The following ZNF48 variants were observed in gnomAD, a reference collection of about 807,000 sequenced individuals.
ZNF48 encodes the protein zinc finger protein 48.
ZNF48 carries 20 observed loss-of-function variants against 40.0 expected under a neutral mutation model. The observed-to-expected ratio is 0.50, with a 90% CI of 0.35 to 0.73. The LOEUF (loss-of-function observed/expected upper bound fraction) is 0.73, where lower values mean the gene tolerates loss of function less well. Ranked by LOEUF, ZNF48 falls within the 30% of genes least tolerant of loss-of-function variation. ZNF48 has a pLI of 0.01. For synonymous variants in ZNF48, 298 were observed against 329.7 expected, an observed-to-expected ratio of 0.90 and a Z score of 1.04; for missense variants, 726 against 851.9, an observed-to-expected ratio of 0.85 and a Z score of 1.84.
chr16:30,387,287 G>A (rs1405671183), intron 1 of ZNF48, among the ~76,000 whole-genome samples: 1 of 145,298 alleles, frequency 6.9e-6, no homozygotes, highest in Non-Finnish European at 1.5e-5. Flanking sequence ...GGGCGCCATG[G>A]CTCACTCCTG....
rs2049807813 is a variant in ZNF48, at chr16:30,379,434, C to G, written c.-16+1024C>G. The G allele has an allele frequency of 6.2e-7, 1 of 1,613,024 alleles. No homozygotes were observed. On this transcript the variant is annotated intron_variant, in intron 1 of 2. Coordinates refer to the ZNF48 transcript ENST00000528032. ...TAGGACCCCTGCCTGGCCTCACTCA[C>G]CCTCCACGGTCCCCCAGGAGTAGCG...
At position 30,397,596 on chromosome 16, in the gene ZNF48, G is replaced by C. The variant is rs549455608; in HGVS notation, c.346G>C (p.Glu116Gln). The C allele has an allele frequency of 1.9e-6, 3 of 1,614,126 alleles. No individual in the cohort carries two copies. The South Asian group carries it at 3.3e-5, about 18-fold the overall frequency. ...ASSDRAAVCG[E>Q]CGKSFRQMSD... Reference sequence around the variant, plus strand: ...TAGTGATCGGGCCGCTGTGTGTGGTGAGTGTGGCAAAAGCTTCAGGCAGAT... The same window carrying C: ...TAGTGATCGGGCCGCTGTGTGTGGTCAGTGTGGCAAAAGCTTCAGGCAGAT... Residue 116 changes from glutamate to glutamine, a missense_variant, in exon 3 of 3, where the codon GAG (glutamate) becomes CAG (glutamine). Transcript: ENST00000613509. This position sits in a 1 kb window ranked among gnomAD's most constrained non-coding sequence, Gnocchi z 4.1.
At chr16:30,384,467 C>G (rs573346756) in intron 1 of ZNF48, among the ~76,000 whole-genome samples, 1 of 151,840 alleles carries the variant, frequency 6.6e-6, no homozygotes, top group Admixed American at 6.6e-5. Context: ...GAGGTTGCAG[C>G]GAGCCAAGAT....
chr16:30,389,283 C>T (rs2049924168), intron 1 of ZNF48, among the ~76,000 whole-genome samples: 1 of 150,904 alleles, frequency 6.6e-6, no homozygotes, highest in Admixed American at 6.6e-5. Flanking sequence ...CCCAGCTACT[C>T]GGGAGGCTGA....
At chr16:30,391,841 C>CG (rs1221015447), upstream of ZNF48, among the ~76,000 whole-genome samples, 7 of 20,776 alleles carry the variant, frequency 3.4e-4, no homozygotes, top group Admixed American at 1.5e-3. Flanking sequence ...TTTTTTTTGG[C>CG]GGGGGGGTGG....
chr16:30,392,091 C>A (rs558762838), upstream of ZNF48, among the ~76,000 whole-genome samples: 5 of 152,326 alleles, frequency 3.3e-5, no homozygotes, highest in East Asian at 7.7e-4. Context: ...GGCGCGATCT[C>A]GGCTAACTGG....
chr16:30,381,374 G>A lies in ZNF48; in HGVS notation c.-16+2964G>A. On this transcript the variant is annotated intron_variant, in intron 1 of 2. Coordinates refer to the ZNF48 transcript ENST00000528032. The surrounding 1 kb of genome is among the most constrained non-coding windows in gnomAD (Gnocchi z 4.3). ...AGGGTGAGATGAAGTAGAGGCAGCA[G>A]TGGACTCGGGAGTCCTGGATGTTCT... is the stretch of plus-strand genomic sequence containing the variant. 6.2e-7 allele frequency: 1 copy of A among 1,613,456 alleles called. No individual in the cohort carries two copies. Among genetic ancestry groups the A allele is most frequent in the Non-Finnish European group, 8.5e-7 (1 of 1,179,732 alleles).
In ZNF48 at chr16:30,398,876, C is replaced by G. The variant is rs1428883739; in HGVS notation, c.1626C>G (p.Pro542=). The G allele has an allele frequency of 6.2e-7, 1 of 1,613,870 alleles. No individual in the cohort carries two copies. Among genetic ancestry groups the G allele is most frequent in the African/African-American group, 1.3e-5 (1 of 74,914 alleles). Residue 542 remains proline (P), a synonymous_variant, in exon 3 of 3, where the codon CCC becomes CCG. Coordinates refer to ENST00000613509, the MANE Select transcript of ZNF48 (RefSeq NM_001214909.2). The surrounding 1 kb of genome is among the most constrained non-coding windows in gnomAD (Gnocchi z 6.6). The part of the protein sequence containing the change: ...VRAQPSGPSQ[P]HVCGFCGKEF... The stretch of plus-strand genomic sequence containing the variant: ...CCCAGCCTTCTGGACCCAGCCAGCC[C>G]CACGTGTGTGGCTTCTGTGGGAAGG...
chr16:30,388,617 G>T (rs192269783), intron 1 of ZNF48, among the ~76,000 whole-genome samples: 59 of 152,254 alleles, frequency 3.9e-4, no homozygotes, highest in Non-Finnish European at 6.3e-4. Flanking sequence ...GTCCAGGCGC[G>T]GTGGCTCACG....
chr16:30,388,578 G>A (rs953859191), intron 1 of ZNF48, among the ~76,000 whole-genome samples: 1 of 152,030 alleles, frequency 6.6e-6, no homozygotes, highest in Non-Finnish European at 1.5e-5. Context: ...GCAATAGGGC[G>A]AGACCTTGTC....
At chr16:30,385,672 A>C (rs2049895574) in intron 1 of ZNF48, among the ~76,000 whole-genome samples, 1 of 152,084 alleles carries the variant, frequency 6.6e-6, no homozygotes, top group Non-Finnish European at 1.5e-5. Flanking sequence ...CTCACTCCCC[A>C]CAAGTGTTTC....
intron 1 of ZNF48, chr16:30,378,481 G>A: frequency 1.3e-6 from 2 of 1,576,762 alleles, no homozygotes; most frequent in East Asian, 4.5e-5. Flanking sequence ...TGCTGCATTT[G>A]GGCCTGCATC....
chr16:30,382,181 T>G lies in ZNF48; in HGVS notation c.-16+3771T>G, dbSNP rs766258012. The G allele has an allele frequency of 1.9e-6, 3 of 1,611,514 alleles. No homozygotes were observed. The South Asian group carries it at 3.3e-5, about 18-fold the overall frequency. ...TGGATTTCCCTAGGCCTGACTCCCC[T>G]GTGGACAGAACAGGCCCAACTGGTC... On this transcript the variant is annotated intron_variant, in intron 1 of 2. Coordinates refer to the ZNF48 transcript ENST00000528032. The surrounding 1 kb of genome is among the most constrained non-coding windows in gnomAD (Gnocchi z 4.8).
chr16:30,389,407 T>A (rs1420602985), intron 1 of ZNF48, among the ~76,000 whole-genome samples: 2,280 of 128,590 alleles, frequency 0.018, 37 homozygotes, highest in Non-Finnish European at 0.025. Flanking sequence ...AAAAAAAAAA[T>A]AATAATAATA....
Position 30,382,350 on chromosome 16 carries a change from C to G in ZNF48, c.-16+3940C>G, listed in dbSNP as rs771057178. 6.2e-7 allele frequency: 1 copy of G among 1,612,558 alleles called. No homozygotes were observed. The highest frequency in any genetic ancestry group is 1.1e-5 in the South Asian group (1 of 90,914). On this transcript the variant is annotated intron_variant, in intron 1 of 2. Coordinates refer to the ZNF48 transcript ENST00000528032. This position sits in a 1 kb window ranked among gnomAD's most constrained non-coding sequence, Gnocchi z 4.8. Reference sequence around the variant, plus strand: ...AGCTGGTTGGGGAGGGCAGCAAAACCCACGTACTCCTTGTCCTATGGATGG... The same window carrying G: ...AGCTGGTTGGGGAGGGCAGCAAAACGCACGTACTCCTTGTCCTATGGATGG...
chr16:30,384,346 G>A (rs1457232453), intron 1 of ZNF48, among the ~76,000 whole-genome samples: 1 of 151,932 alleles, frequency 6.6e-6, no homozygotes, highest in Non-Finnish European at 1.5e-5. Context: ...GGCCAACATG[G>A]TGAAACCCCA....
chr16:30,398,669 C>G lies in ZNF48; in HGVS notation c.1419C>G (p.His473Gln). ...ACCTGGTGAAACACCATCGTGTGCA[C>G]ACAGGGGAGAAACCCTACCTCTGTC... The part of the protein sequence containing the change: ...SSDLVKHHRV[H>Q]TGEKPYLCPE... Residue 473 changes from histidine to glutamine, a missense_variant, in exon 3 of 3, where the codon CAC becomes CAG. Around this residue, in one of 5 missense-constraint regions of ZNF48, gnomAD observed 25 missense variants for 51.5 expected, o/e 0.49. Coordinates refer to ENST00000613509, the MANE Select transcript of ZNF48 (RefSeq NM_001214909.2). This position sits in a 1 kb window ranked among gnomAD's most constrained non-coding sequence, Gnocchi z 6.6. The G allele has an allele frequency of 6.2e-7, 1 of 1,613,662 alleles. No homozygotes were observed. The highest frequency in any genetic ancestry group is 1.1e-5 in the South Asian group (1 of 91,070).
chr16:30,395,419 T>C, upstream of ZNF48: 1 of 361,210 alleles, frequency 2.8e-6, no homozygotes, highest in South Asian at 1.9e-5. The surrounding 1 kb of genome is among the most constrained non-coding windows in gnomAD (Gnocchi z 5.9). Flanking sequence ...CCGCTTCCCG[T>C]CCCCGCCCCC....
chr16:30,386,189 G>A (rs2049899233), intron 1 of ZNF48, among the ~76,000 whole-genome samples: 1 of 152,044 alleles, frequency 6.6e-6, no homozygotes, highest in Admixed American at 6.6e-5. Context: ...TGAGGCAGGA[G>A]GATCACTTGA....
Sources: allele counts gnomAD v4.1 joint callset (sites outside exome capture counted in the v4.1 genomes callset), GRCh38; gene constraint gnomAD v4.1.1; regional missense constraint gnomAD v4.1.1; non-coding constraint Gnocchi (gnomAD v3.1); transcripts MANE v1.5; gene names NCBI Gene and HGNC (gene_info 2026-07-23, HGNC 2026-07-21).